The following TSPAN31 variants were observed in gnomAD, a reference collection of about 807,000 sequenced individuals.
TSPAN31 encodes the protein tetraspanin-31.
Under a neutral mutation model 24.8 loss-of-function variants are expected in TSPAN31, and 16 were observed. That is an observed-to-expected ratio of 0.64 (90% CI 0.44 to 0.98). TSPAN31 has a LOEUF of 0.98. Ranked by LOEUF, TSPAN31 falls within the 50% of genes least tolerant of loss-of-function variation. TSPAN31 has a pLI of 0.00. For missense variants in TSPAN31, 209 were observed against 251.6 expected, an observed-to-expected ratio of 0.83 and a Z score of 1.15; for synonymous variants, 87 against 91.4, an observed-to-expected ratio of 0.95 and a Z score of 0.27.
chr12:57,749,604 G>A lies in TSPAN31; in HGVS notation c.*2314G>A. Reference sequence around the variant, plus strand: ...CAAAATAGGAAGTATAGGGAATAAAGGCCAACAATTCCAGCACTTTGGGAT... The same window carrying A: ...CAAAATAGGAAGTATAGGGAATAAAAGCCAACAATTCCAGCACTTTGGGAT... On this transcript the variant is annotated 3_prime_UTR_variant, in exon 6 of 6. Transcript: ENST00000257910. 7.7e-6 allele frequency: 9 copies of A among 1,162,602 alleles called. No individual in the cohort carries two copies. Among genetic ancestry groups the A allele is most frequent in the Non-Finnish European group, 1.0e-5 (8 of 782,848 alleles). The allele number at this position is 1,162,602 out of a possible 1,614,324, so 72.0% of individuals were successfully genotyped here.
rs2140383773 is a variant in TSPAN31 at position 57,749,453 on chromosome 12, C to T, written c.*2163C>T. ...CTTTTTCTCCCATGTTGGTCACTTA[C>T]TCAAAGATTTTGCCCAACTGGTCGG... On this transcript the variant is annotated 3_prime_UTR_variant, in exon 6 of 6. Coordinates refer to ENST00000257910, the MANE Select transcript of TSPAN31 (RefSeq NM_005981.5). The T allele has an allele frequency of 6.2e-7, 1 of 1,614,186 alleles. No individual in the cohort carries two copies. The highest frequency in any genetic ancestry group is 8.5e-7 in the Non-Finnish European group (1 of 1,180,006).
At position 57,747,215 on chromosome 12, in the gene TSPAN31, G is replaced by C; in HGVS notation, c.559-1G>C. 1 of 1,614,170 alleles carries C rather than the reference G, an allele frequency of 6.2e-7. No individual in the cohort carries two copies. Among genetic ancestry groups the C allele is most frequent in the Non-Finnish European group, 8.5e-7 (1 of 1,180,012 alleles). On this transcript the variant is annotated splice_acceptor_variant, in intron 5 of 5. Transcript: ENST00000257910. LOFTEE classifies it high-confidence loss of function. The stretch of plus-strand genomic sequence containing the variant: ...TTATCTCTCTCCCTTTGTTCCTACA[G>C]ATCCTTGGTGTTTGGCTAGCAATGA...
rs1395127864 is a variant in TSPAN31, at chr12:57,748,410, T to A, written c.*1120T>A. On this transcript the variant is annotated 3_prime_UTR_variant, in exon 6 of 6. Coordinates refer to ENST00000257910, the MANE Select transcript of TSPAN31 (RefSeq NM_005981.5). ...CATTAAGGCAGCAAAGTAATCTCTG[T>A]AGAAAGATGGAGGAGGACCCTCCAT... 22 of 802,414 alleles carry A rather than the reference T, an allele frequency of 2.7e-5. No individual in the cohort carries two copies. The highest frequency in any genetic ancestry group is 4.0e-5 in the Non-Finnish European group (18 of 448,322). The allele number at this position is 802,414 out of a possible 1,614,324, so 49.7% of individuals were successfully genotyped here.
chr12:57,746,474 G>A, intron 3 of TSPAN31, 115 bp from the exon 4 acceptor site: 1 of 1,341,138 alleles, frequency 7.5e-7, no homozygotes, highest in Non-Finnish European at 1.1e-6. Flanking sequence ...GTCTATAATT[G>A]TTGCACACCG....
In TSPAN31 at chr12:57,749,835, A is replaced by G; in HGVS notation, c.*2545A>G. 2.7e-6 allele frequency: 1 copy of G among 376,588 alleles called. No individual in the cohort carries two copies. The highest frequency in any genetic ancestry group is 2.4e-5 in the South Asian group (1 of 41,882). The allele number at this position is 376,588 out of a possible 1,614,324, so 23.3% of individuals were successfully genotyped here. ...AACATGGTGAAACCCTGTCATTACT[A>G]AAAGTACAAAAATTAGCTGAGCATG... On this transcript the variant is annotated 3_prime_UTR_variant, in exon 6 of 6. Coordinates refer to ENST00000257910, the MANE Select transcript of TSPAN31 (RefSeq NM_005981.5).
intron 3 of TSPAN31, 116 bp from the exon 4 acceptor site, chr12:57,746,473 T>G (rs891873782): frequency 1.5e-6 from 2 of 1,339,302 alleles, no homozygotes. Context: ...TGTCTATAAT[T>G]GTTGCACACC....
Position 57,748,150 on chromosome 12 carries a change from CA to C in TSPAN31, c.*861del, listed in dbSNP as rs1442604082. On this transcript the variant is annotated 3_prime_UTR_variant, in exon 6 of 6. Coordinates refer to ENST00000257910, the MANE Select transcript of TSPAN31 (RefSeq NM_005981.5). The stretch of plus-strand genomic sequence containing the variant: ...AATTTAACCAGTCTTTAAGGTTTTG[CA>C]GGAAAGTCCCTTCTTCCAAGTGGTT... 8.7e-6 allele frequency: 3 copies of C among 345,292 alleles called. No homozygotes were observed. Among genetic ancestry groups the C allele is most frequent in the Non-Finnish European group, 1.1e-5 (2 of 185,786 alleles). The allele number at this position is 345,292 out of a possible 1,614,324, so 21.4% of individuals were successfully genotyped here.
At chr12:57,745,687 G>A in intron 1 of TSPAN31, 58 bp from the exon 2 acceptor site, 1 of 1,606,164 alleles carries the variant, frequency 6.2e-7, no homozygotes, top group Non-Finnish European at 8.5e-7. Context: ...CTCTTGTATG[G>A]CCTTGGGCTG....
At position 57,748,788 on chromosome 12, in the gene TSPAN31, C is replaced by T. The variant is rs1040013310; in HGVS notation, c.*1498C>T. 6.1e-5 allele frequency: 37 copies of T among 603,322 alleles called. No homozygotes were observed. The Admixed American group carries it at 9.5e-4, about 15-fold the overall frequency. 37.4% of individuals were successfully genotyped at this position (603,322 alleles called of 1,614,324 possible). A position where few individuals can be genotyped will look rare whatever the true frequency, so the allele number is the denominator to read the frequency against. ...TGGTATGATCTCAGCTCACTGCAAC[C>T]TCCGCCTCCTGAGTTGAAGTGATTC... On this transcript the variant is annotated 3_prime_UTR_variant, in exon 6 of 6. Transcript: ENST00000257910.
chr12:57,748,529 TCCGGATTACC>T lies in TSPAN31; in HGVS notation c.*1240_*1249del. 5 of 1,610,578 alleles carry T rather than the reference TCCGGATTACC, an allele frequency of 3.1e-6. No homozygotes were observed. Among genetic ancestry groups the T allele is most frequent in the Non-Finnish European group, 3.4e-6 (4 of 1,176,912 alleles). On this transcript the variant is annotated 3_prime_UTR_variant, in exon 6 of 6. Coordinates refer to ENST00000257910, the MANE Select transcript of TSPAN31 (RefSeq NM_005981.5). ...CCATGGCAGCCACTCCATTGCTCAC[TCCGGATTACC>T]TTCATCCTTATGTAGATAAGAGTGC...
chr12:57,748,855 G>A lies in TSPAN31; in HGVS notation c.*1565G>A, dbSNP rs1955193465. 3 of 554,454 alleles carry A rather than the reference G, an allele frequency of 5.4e-6. No homozygotes were observed. Among genetic ancestry groups the A allele is most frequent in the Admixed American group, 6.2e-5 (2 of 32,448 alleles). 34.3% of individuals were successfully genotyped at this position (554,454 alleles called of 1,614,324 possible). On this transcript the variant is annotated 3_prime_UTR_variant, in exon 6 of 6. Transcript: ENST00000257910. ...CAAGTAGCTGAGATTACAGGCGTGT[G>A]CCACCACCCCCGGCTTATTTTTGTA...
chr12:57,746,880 G>A (rs892177784), intron 4 of TSPAN31, 138 bp from the exon 5 acceptor site: 9 of 1,333,636 alleles, frequency 6.7e-6, no homozygotes, highest in Non-Finnish European at 9.4e-6. Flanking sequence ...GATAGAGGCT[G>A]GGGAATTAGC....
At chr12:57,745,347 G>A in intron 1 of TSPAN31, 130 bp downstream of exon 1, 1 of 1,023,414 alleles carries the variant, frequency 9.8e-7, no homozygotes, top group Non-Finnish European at 1.4e-6. Context: ...CGGCGACGAG[G>A]GAATTCCTGG....
Position 57,746,220 on chromosome 12 carries a change from C to A in TSPAN31, c.276C>A (p.Ile92=), listed in dbSNP as rs199684487. 3 of 1,614,166 alleles carry A rather than the reference C, an allele frequency of 1.9e-6. No homozygotes were observed. The highest frequency in any genetic ancestry group is 2.5e-6 in the Non-Finnish European group (3 of 1,180,002). The change falls in exon 3 of 6, where the codon ATC becomes ATA. Residue 92 remains isoleucine (I), a synonymous_variant. Coordinates refer to ENST00000257910, the MANE Select transcript of TSPAN31 (RefSeq NM_005981.5). ...LGLVFIFQFV[I]SCSCLAINRS... is the part of the protein sequence containing the mutation. ...TGGTCTTCATCTTCCAATTTGTAAT[C>A]TCTTGCTCATGTCTGGCTATTAACC...
At chr12:57,746,943 G>A (rs1955162141) in intron 4 of TSPAN31, 75 bp from the exon 5 acceptor site, 1 of 1,437,466 alleles carries the variant, frequency 7.0e-7, no homozygotes, top group Non-Finnish European at 9.7e-7. Context: ...AAAGTTTCTA[G>A]GGACATTCGG....
In TSPAN31 at chr12:57,747,268, CCAA is replaced by C. The variant is rs1224066297; in HGVS notation, c.613_615del (p.Asn205del). 1 of 1,614,056 alleles carries C rather than the reference CCAA, an allele frequency of 6.2e-7. No individual in the cohort carries two copies. Among genetic ancestry groups the C allele is most frequent in the African/African-American group, 1.3e-5 (1 of 74,920 alleles). On this transcript the variant is annotated inframe_deletion, in exon 6 of 6. Coordinates refer to ENST00000257910, the MANE Select transcript of TSPAN31 (RefSeq NM_005981.5). The stretch of plus-strand genomic sequence containing the variant: ...TTTCGGAATCAGAAGGATCCTAGAG[CCAA>C]CCCCAGTGCCTTTCTATGAGACTTT...
In TSPAN31 at chr12:57,745,110, T is replaced by C. The variant is rs1408657027; in HGVS notation, c.-45T>C. 1.3e-6 allele frequency: 2 copies of C among 1,548,296 alleles called. No individual in the cohort carries two copies. The highest frequency in any genetic ancestry group is 1.4e-5 in the African/African-American group (1 of 73,418). On this transcript the variant is annotated 5_prime_UTR_variant, in exon 1 of 6. Transcript: ENST00000257910. ...TCCTGGAAGACGGTCCCCAATACCC[T>C]CCCCCCAAGTCCTTGGGACCACTTG...
chr12:57,749,124 C>G lies in TSPAN31; in HGVS notation c.*1834C>G, dbSNP rs575489230. ...ACAGTGGCCAGGGCCCTGCATACTGCTCTATTTCTTTCCCCAGTCTCTATT... is the reference window on the plus strand; with the variant it reads ...ACAGTGGCCAGGGCCCTGCATACTGGTCTATTTCTTTCCCCAGTCTCTATT... On this transcript the variant is annotated 3_prime_UTR_variant, in exon 6 of 6. Coordinates refer to ENST00000257910, the MANE Select transcript of TSPAN31 (RefSeq NM_005981.5). 8.7e-6 allele frequency: 14 copies of G among 1,607,682 alleles called. No individual in the cohort carries two copies. In the East Asian group the frequency reaches 3.1e-4, roughly 36 times the overall value.
At position 57,749,095 on chromosome 12, in the gene TSPAN31, A is replaced by T. The variant is rs755268008; in HGVS notation, c.*1805A>T. On this transcript the variant is annotated 3_prime_UTR_variant, in exon 6 of 6. Transcript: ENST00000257910. ...GCCCATCTACCAACCAAGTTTCATT[A>T]ACCACAGTGGCCAGGGCCCTGCATA... 297 of 1,533,198 alleles carry T rather than the reference A, an allele frequency of 1.9e-4. 1 individual carries two copies. The highest frequency in any genetic ancestry group is 2.5e-4 in the Non-Finnish European group (281 of 1,106,416). The allele number at this position is 1,533,198 out of a possible 1,614,324, so 95.0% of individuals were successfully genotyped here.
Sources: gnomAD v4.1 joint callset for allele counts on GRCh38, gnomAD v4.1.1 for gene constraint, MANE v1.5 for transcripts, NCBI Gene and HGNC (gene_info 2026-07-23, HGNC 2026-07-21) for gene names.